CNTNAP5: variants seen among roughly 807,000 people sequenced by gnomAD.
CNTNAP5 encodes the protein contactin-associated protein-like 5.
A neutral mutation model predicts 150.2 loss-of-function variants in CNTNAP5; 72 were observed. That is an observed-to-expected ratio of 0.48 (90% confidence interval 0.40 to 0.58). The LOEUF (loss-of-function observed/expected upper bound fraction) is 0.58, where lower values mean the gene tolerates loss of function less well. Among genes scored for constraint, CNTNAP5 ranks in the 20% least tolerant of loss-of-function variants. The pLI, the probability that CNTNAP5 is intolerant of heterozygous loss-of-function variation, is 0.00. For synonymous variants in CNTNAP5, 672 were observed against 619.8 expected (o/e 1.08, Z -1.25); for missense variants, 1,636 against 1,626.2 (o/e 1.01, Z -0.10).
intron 22 of CNTNAP5, among the ~76,000 whole-genome samples, chr2:124,907,112 A>C (rs567018454): frequency 6.6e-6 from 1 of 152,294 alleles, no homozygotes; most frequent in African/African-American, 2.4e-5. Flanking sequence ...TATGGAACCA[A>C]GAAAAGGCAG....
At chr2:124,488,588 T>C (rs567827459) in intron 7 of CNTNAP5, among the ~76,000 whole-genome samples, 5 of 152,346 alleles carry the variant, frequency 3.3e-5, no homozygotes, top group Non-Finnish European at 7.3e-5. Flanking sequence ...AATTACATTA[T>C]AAAAATGGTG....
intron 13 of CNTNAP5, among the ~76,000 whole-genome samples, chr2:124,696,542 G>A (rs146603017): frequency 6.5e-4 from 99 of 152,150 alleles, no homozygotes; most frequent in African/African-American, 2.3e-3. Context: ...GGAGCTACTC[G>A]GTGCCTGTCT....
At chr2:124,310,013 C>G (rs1364146551) in intron 3 of CNTNAP5, among the ~76,000 whole-genome samples, 3 of 151,092 alleles carry the variant, frequency 2.0e-5, no homozygotes, top group African/African-American at 7.3e-5. Flanking sequence ...CACAGTCTGT[C>G]TGCTCTGGGC....
At chr2:124,309,823 A>C (rs1688779269) in intron 3 of CNTNAP5, among the ~76,000 whole-genome samples, 1 of 152,224 alleles carries the variant, frequency 6.6e-6, no homozygotes, top group Non-Finnish European at 1.5e-5. Flanking sequence ...GCATAGAATC[A>C]ACAAAATATC....
At chr2:124,340,697 C>T (rs558910095) in intron 3 of CNTNAP5, among the ~76,000 whole-genome samples, 3 of 151,652 alleles carry the variant, frequency 2.0e-5, no homozygotes, top group African/African-American at 7.3e-5. Context: ...GATGGGACGA[C>T]CCCTTGAGAC....
At chr2:124,205,619 A>G (rs1448198762) in intron 1 of CNTNAP5, among the ~76,000 whole-genome samples, 1 of 151,986 alleles carries the variant, frequency 6.6e-6, no homozygotes, top group East Asian at 1.9e-4. Context: ...GGGTTTCACC[A>G]TGTTGGCCAG....
At chr2:124,107,705 C>A (rs1438116888) in intron 1 of CNTNAP5, among the ~76,000 whole-genome samples, 1 of 152,006 alleles carries the variant, frequency 6.6e-6, no homozygotes, top group East Asian at 1.9e-4. Context: ...GTGTGTGAAC[C>A]CAAAATATCT....
intron 13 of CNTNAP5, among the ~76,000 whole-genome samples, chr2:124,658,045 T>G (rs1678496302): frequency 6.6e-6 from 1 of 152,210 alleles, no homozygotes; most frequent in Admixed American, 6.5e-5. Context: ...CCCAAAATGC[T>G]TAGAATAGTA....
intron 20 of CNTNAP5, among the ~76,000 whole-genome samples, chr2:124,868,045 A>G (rs559244396): frequency 1.3e-5 from 2 of 152,054 alleles, no homozygotes; most frequent in South Asian, 2.1e-4. Flanking sequence ...CATCTCGTGG[A>G]TCAACAGCAT....
intron 1 of CNTNAP5, among the ~76,000 whole-genome samples, chr2:124,066,827 G>T (rs1682173522): frequency 6.6e-6 from 1 of 151,982 alleles, no homozygotes; most frequent in African/African-American, 2.4e-5. Flanking sequence ...TTATTTAATG[G>T]TACTGTCCTT....
intron 13 of CNTNAP5, among the ~76,000 whole-genome samples, chr2:124,701,112 C>T (rs1450775169): frequency 2.6e-5 from 4 of 152,016 alleles, no homozygotes; most frequent in South Asian, 2.1e-4. Context: ...TAGACTTGGT[C>T]CTCCTGCATG....
chr2:124,174,222 G>T (rs921807482), intron 1 of CNTNAP5, among the ~76,000 whole-genome samples: 2 of 152,100 alleles, frequency 1.3e-5, no homozygotes, highest in Non-Finnish European at 2.9e-5. Context: ...TTTCATGTCT[G>T]CTAACACAAC....
chr2:124,075,174 T>G (rs184976629), intron 1 of CNTNAP5, among the ~76,000 whole-genome samples: 84 of 152,258 alleles, frequency 5.5e-4, no homozygotes, highest in Admixed American at 9.8e-4. Context: ...ATAACTAAAG[T>G]GTTTCATTTC....
At chr2:124,904,594 C>A (rs1171827409) in intron 22 of CNTNAP5, among the ~76,000 whole-genome samples, 2 of 152,042 alleles carry the variant, frequency 1.3e-5, no homozygotes, top group East Asian at 3.9e-4. Flanking sequence ...ATCAACTAAT[C>A]TTTGGCAAAA....
chr2:124,506,561 C>G (rs1229651104), intron 8 of CNTNAP5, among the ~76,000 whole-genome samples: 3 of 152,116 alleles, frequency 2.0e-5, no homozygotes, highest in Non-Finnish European at 4.4e-5. Flanking sequence ...GCCCACTGAA[C>G]CCCTGAGCAT....
At chr2:124,535,996 C>T (rs966806994) in intron 10 of CNTNAP5, among the ~76,000 whole-genome samples, 77 of 152,228 alleles carry the variant, frequency 5.1e-4, no homozygotes, top group African/African-American at 1.8e-3. Context: ...AAAAAGATTA[C>T]ATTGCGCGGT....
At chr2:124,787,687 T>C (rs1351147316) in intron 17 of CNTNAP5, among the ~76,000 whole-genome samples, 1 of 152,064 alleles carries the variant, frequency 6.6e-6, no homozygotes, top group Non-Finnish European at 1.5e-5. Flanking sequence ...ATTTCCTTGC[T>C]TTCCTCAAAG....
At chr2:124,775,981 G>A (rs1445753567) in intron 17 of CNTNAP5, among the ~76,000 whole-genome samples, 2 of 152,146 alleles carry the variant, frequency 1.3e-5, no homozygotes, top group Non-Finnish European at 2.9e-5. Context: ...GCCCTGGGTA[G>A]AAAACTAACT....
intron 8 of CNTNAP5, among the ~76,000 whole-genome samples, chr2:124,510,516 TATACATATATCTCCATATATCA>T: frequency 8.1e-6 from 1 of 123,218 alleles, no homozygotes; most frequent in East Asian, 2.2e-4. Context: ...TATATATATA[TATACATATATCTCCATATATCA>T]ACACACACAC....
Sources: allele counts gnomAD v4.1 joint callset (sites outside exome capture counted in the v4.1 genomes callset), GRCh38; gene constraint gnomAD v4.1.1; transcripts MANE v1.5; gene names NCBI Gene and HGNC (gene_info 2026-07-23, HGNC 2026-07-21).